RPS6KA2: variants seen among roughly 807,000 people sequenced by gnomAD.
RPS6KA2 encodes the protein ribosomal protein S6 kinase alpha-2.
Under a neutral mutation model 91.8 loss-of-function variants are expected in RPS6KA2, and 42 were observed. The observed-to-expected ratio is 0.46, with a 90% CI of 0.36 to 0.59. RPS6KA2 has a LOEUF of 0.59. RPS6KA2 is among the 20% of genes least tolerant of loss of function. RPS6KA2 has a pLI of 0.00. For synonymous variants in RPS6KA2, 414 were observed against 393.6 expected (o/e 1.05, Z -0.61); for missense variants, 798 against 978.5 (o/e 0.82, Z 2.46).
chr6:166,620,125 C>A (rs1405269761), intron 1 of RPS6KA2, among the ~76,000 whole-genome samples: 1 of 152,206 alleles, frequency 6.6e-6, no homozygotes, highest in Non-Finnish European at 1.5e-5. Flanking sequence ...TGGCTAATGT[C>A]CATCTGAAAA....
chr6:166,771,504 C>T (rs780603274), intron 2 of RPS6KA2, among the ~76,000 whole-genome samples: 9 of 152,194 alleles, frequency 5.9e-5, no homozygotes, highest in Non-Finnish European at 8.8e-5. Context: ...TTTTACTCAG[C>T]AACGTGGTTT....
At chr6:166,556,841 AC>A (rs1784191771) in intron 1 of RPS6KA2, among the ~76,000 whole-genome samples, 1 of 152,192 alleles carries the variant, frequency 6.6e-6, no homozygotes, top group African/African-American at 2.4e-5. Flanking sequence ...AACAAAAAAA[AC>A]TTGTCAGGGC....
chr6:166,431,386 GC>G (rs1779127125), intron 15 of RPS6KA2, among the ~76,000 whole-genome samples: 1 of 152,160 alleles, frequency 6.6e-6, no homozygotes, highest in Non-Finnish European at 1.5e-5. Flanking sequence ...CTGAGGTGGG[GC>G]CTGGCCCTCC....
At chr6:166,749,736 G>GC (rs1328333008) in intron 2 of RPS6KA2, among the ~76,000 whole-genome samples, 3 of 55,610 alleles carry the variant, frequency 5.4e-5, no homozygotes, top group East Asian at 7.8e-4. Flanking sequence ...ATCCCCTTGG[G>GC]CCCCTCTTCC....
At chr6:166,427,547 A>G (rs1778968680) in intron 16 of RPS6KA2, among the ~76,000 whole-genome samples, 1 of 152,204 alleles carries the variant, frequency 6.6e-6, no homozygotes, top group Non-Finnish European at 1.5e-5. Flanking sequence ...GTATATCTAG[A>G]AAACCCCACT....
At position 166,423,028 on chromosome 6, in the gene RPS6KA2, A is replaced by C. The variant is rs1387027510; in HGVS notation, c.1743+228T>G. ...TTTTACATAAAAATGTTACTGTTGA[A>C]AAGTTTTTTCAAATGGGAAAATGAG... On this transcript the variant is annotated intron_variant, in intron 17 of 20. Coordinates refer to ENST00000265678, the MANE Select transcript of RPS6KA2 (RefSeq NM_021135.6). This position sits in a 1 kb window ranked among gnomAD's most constrained non-coding sequence, Gnocchi z 4.8. 1.3e-5 allele frequency among the ~76,000 whole-genome samples: 2 copies of C among 152,220 alleles called. No individual in the cohort carries two copies.
At chr6:166,610,148 C>G (rs115087971) in intron 1 of RPS6KA2, among the ~76,000 whole-genome samples, 1 of 152,132 alleles carries the variant, frequency 6.6e-6, no homozygotes, top group African/African-American at 2.4e-5. Flanking sequence ...GAAAGATGTT[C>G]TGAAATGGTT....
chr6:166,731,822 C>T (rs572777063), intron 2 of RPS6KA2, among the ~76,000 whole-genome samples: 1 of 152,096 alleles, frequency 6.6e-6, no homozygotes, highest in South Asian at 2.1e-4. Context: ...GGGTGGAAAC[C>T]CTGTGTGGGG....
chr6:166,694,026 G>T (rs1042244131), intron 2 of RPS6KA2, among the ~76,000 whole-genome samples: 7 of 152,222 alleles, frequency 4.6e-5, no homozygotes, highest in African/African-American at 1.7e-4. Context: ...ATTGTGCATT[G>T]TGTGACATTG....
chr6:166,551,442 G>T (rs1227469529), intron 1 of RPS6KA2, among the ~76,000 whole-genome samples: 2 of 152,204 alleles, frequency 1.3e-5, no homozygotes, highest in Non-Finnish European at 2.9e-5. Context: ...TGCTCTGTGT[G>T]CTATTTCCTA....
intron 2 of RPS6KA2, among the ~76,000 whole-genome samples, chr6:166,720,629 T>G (rs925793906): frequency 9.2e-5 from 14 of 152,270 alleles, no homozygotes; most frequent in Non-Finnish European, 2.1e-4. Context: ...CTTTTTGAGA[T>G]AGTTTGAACA....
At chr6:166,714,665 G>T (rs773025343) in intron 2 of RPS6KA2, among the ~76,000 whole-genome samples, 3 of 152,128 alleles carry the variant, frequency 2.0e-5, no homozygotes, top group Non-Finnish European at 2.9e-5. Flanking sequence ...CACCCGAACC[G>T]CCTGAAGCAC....
rs1191042086 is a variant in RPS6KA2, at chr6:166,500,851, T to C, written c.604+36A>G. ...GTCCCCAAAGGTACCAGGGCTGAGA[T>C]GAAGCCATGGAGGGGGCCTGCCGTC... On this transcript the variant is annotated intron_variant, in intron 7 of 20. Transcript: ENST00000265678. This position sits in a 1 kb window ranked among gnomAD's most constrained non-coding sequence, Gnocchi z 4.3. The C allele has an allele frequency of 1.9e-6, 3 of 1,594,880 alleles. No individual in the cohort carries two copies. The highest frequency in any genetic ancestry group is 4.5e-5 in the East Asian group (2 of 44,784).
At position 166,461,300 on chromosome 6, in the gene RPS6KA2, G is replaced by A. The variant is rs118160187; in HGVS notation, c.973-1749C>T. ...GCTTTCTGCAGTGAGGCACAGGACA[G>A]GTGGGAATAATCTCCCCAGACACAT... is the stretch of plus-strand genomic sequence containing the variant. On this transcript the variant is annotated intron_variant, in intron 11 of 20. Coordinates refer to ENST00000265678, the MANE Select transcript of RPS6KA2 (RefSeq NM_021135.6). 3.7e-4 allele frequency among the ~76,000 whole-genome samples: 57 copies of A among 152,222 alleles called. No individual in the cohort carries two copies. In the East Asian group the frequency reaches 0.01, roughly 28 times the overall value.
intron 2 of RPS6KA2, among the ~76,000 whole-genome samples, chr6:166,537,952 G>A (rs1416917608): frequency 6.6e-6 from 1 of 152,220 alleles, no homozygotes; most frequent in Non-Finnish European, 1.5e-5. Context: ...TTGACATCTT[G>A]TTGTATGTGG....
At chr6:166,414,093 G>T (rs758311677) in intron 19 of RPS6KA2, among the ~76,000 whole-genome samples, 162 bp from the exon 20 acceptor site, 1 of 152,230 alleles carries the variant, frequency 6.6e-6, no homozygotes, top group Non-Finnish European at 1.5e-5. Context: ...AGGTTTAGAA[G>T]TATGTCAATG....
chr6:166,841,427 C>G (rs1227566257), intron 2 of RPS6KA2, among the ~76,000 whole-genome samples: 1 of 152,248 alleles, frequency 6.6e-6, no homozygotes, highest in African/African-American at 2.4e-5. Context: ...AGACAGTGGT[C>G]CCAGAGCTGA....
intron 2 of RPS6KA2, among the ~76,000 whole-genome samples, chr6:166,828,777 T>C (rs183349665): frequency 7.2e-5 from 11 of 152,312 alleles, no homozygotes; most frequent in African/African-American, 1.9e-4. Flanking sequence ...AATGATTTCT[T>C]GGATATGACG....
rs758641243 is a variant in RPS6KA2 at position 166,484,518 on chromosome 6, T to A, written c.907+4315A>T. Among the ~76,000 whole-genome samples the A allele has an allele frequency of 5.6e-4, 85 of 152,310 alleles. 1 individual carries two copies. The highest frequency in any genetic ancestry group is 6.8e-3 in the Middle Eastern group (2 of 294). ...CTCCCAGGGGCTTCCAGAAAAGCTT[T>A]GTTTTTGTGAAAAAGGGGACAGAGG... is the stretch of plus-strand genomic sequence containing the variant. On this transcript the variant is annotated intron_variant, in intron 10 of 20. Transcript: ENST00000265678.
Sources: gnomAD v4.1 joint callset for allele counts (sites outside exome capture counted in the v4.1 genomes callset) on GRCh38, gnomAD v4.1.1 for gene constraint, Gnocchi (gnomAD v3.1) non-coding constraint, MANE v1.5 for transcripts, NCBI Gene and HGNC (gene_info 2026-07-23, HGNC 2026-07-21) for gene names.